Variants in RBFOX1 observed in about 807,000 individuals in gnomAD.
RBFOX1 encodes the protein RNA binding fox-1 homolog 1.
Under a neutral mutation model 57.7 loss-of-function variants are expected in RBFOX1, and 8 were observed. The observed-to-expected ratio is 0.14, with a 90% CI of 0.08 to 0.25. The LOEUF (loss-of-function observed/expected upper bound fraction) is 0.25, where lower values mean the gene tolerates loss of function less well. RBFOX1 is among the 10% of genes least tolerant of loss of function. RBFOX1 has a pLI of 1.00. For missense variants in RBFOX1, 611 were observed against 548.5 expected (o/e 1.11, Z -1.14); for synonymous variants, 326 against 222.4 (o/e 1.47, Z -4.15).
intron 3 of RBFOX1, among the ~76,000 whole-genome samples, chr16:6,961,085 G>A (rs905400408): frequency 2.0e-5 from 3 of 149,896 alleles, no homozygotes; most frequent in Non-Finnish European, 4.4e-5. Context: ...GGGAGTTGCA[G>A]TGAGCCGAGA....
intron 4 of RBFOX1, among the ~76,000 whole-genome samples, chr16:6,009,950 T>C (rs961316692): frequency 6.6e-6 from 1 of 152,134 alleles, no homozygotes; most frequent in Non-Finnish European, 1.5e-5. Context: ...GAGTCTTACA[T>C]ACACTGCAGT....
chr16:6,818,443 A>T (rs577675369), intron 3 of RBFOX1, among the ~76,000 whole-genome samples: 7 of 152,306 alleles, frequency 4.6e-5, no homozygotes, highest in East Asian at 3.9e-4. Flanking sequence ...AGAAAAAAAA[A>T]ATATTATTGA....
At chr16:7,664,778 C>A in intron 12 of RBFOX1, 151 bp from the exon 13 acceptor site, 2 of 1,429,382 alleles carry the variant, frequency 1.4e-6, no homozygotes, top group East Asian at 2.3e-5. Context: ...CTGCCGTTGT[C>A]TCCAACCTCC....
chr16:6,232,935 G>T (rs997022109), intron 1 of RBFOX1, among the ~76,000 whole-genome samples: 1 of 152,110 alleles, frequency 6.6e-6, no homozygotes, highest in Admixed American at 6.6e-5. Flanking sequence ...GCCAGCATAA[G>T]GGAATCAGGG....
At chr16:6,495,902 G>C (rs1390173417) in intron 2 of RBFOX1, among the ~76,000 whole-genome samples, 1 of 152,160 alleles carries the variant, frequency 6.6e-6, no homozygotes, top group Non-Finnish European at 1.5e-5. Flanking sequence ...ATATTGTTTG[G>C]CTGCTTTACA....
chr16:6,627,392 A>G (rs888393073), intron 2 of RBFOX1, among the ~76,000 whole-genome samples: 1 of 152,162 alleles, frequency 6.6e-6, no homozygotes, highest in Non-Finnish European at 1.5e-5. Flanking sequence ...TGAGACAGAG[A>G]AAGAGAGATG....
intron 3 of RBFOX1, among the ~76,000 whole-genome samples, chr16:5,836,041 C>T (rs915646953): frequency 6.6e-6 from 1 of 152,178 alleles, no homozygotes; most frequent in Non-Finnish European, 1.5e-5. Flanking sequence ...TTAGTCCCTG[C>T]CAGAAGTTAG....
intron 4 of RBFOX1, among the ~76,000 whole-genome samples, chr16:5,963,800 G>T (rs1337805835): frequency 6.6e-6 from 1 of 152,148 alleles, no homozygotes; most frequent in Non-Finnish European, 1.5e-5. Flanking sequence ...AAAGCCATAA[G>T]ACTCCTAGAA....
At chr16:6,416,236 T>A (rs1298850416) in intron 2 of RBFOX1, among the ~76,000 whole-genome samples, 1 of 152,212 alleles carries the variant, frequency 6.6e-6, no homozygotes. Context: ...CGGGTGGATT[T>A]ATTTTCTCAG....
At chr16:7,572,848 A>AATAAATAAATAAATAAATAC (rs1352125847) in intron 5 of RBFOX1, among the ~76,000 whole-genome samples, 6 of 151,798 alleles carry the variant, frequency 4.0e-5, no homozygotes, top group Admixed American at 3.3e-4. Context: ...CAAATGAATA[A>AATAAATAAATAAATAAATAC]ATAAATAAAT....
chr16:5,648,303 C>G (rs568728304), intron 3 of RBFOX1, among the ~76,000 whole-genome samples: 4 of 152,326 alleles, frequency 2.6e-5, no homozygotes, highest in South Asian at 2.1e-4. Context: ...GTGTCACAAC[C>G]TCACTTTCTT....
At chr16:7,569,081 G>C (rs1373475340) in intron 5 of RBFOX1, among the ~76,000 whole-genome samples, 1 of 151,864 alleles carries the variant, frequency 6.6e-6, no homozygotes, top group African/African-American at 2.4e-5. Context: ...ATCCGTTATC[G>C]CTTTTTCTTC....
chr16:6,747,211 C>T (rs1373465129), intron 3 of RBFOX1, among the ~76,000 whole-genome samples: 1 of 152,136 alleles, frequency 6.6e-6, no homozygotes, highest in African/African-American at 2.4e-5. Flanking sequence ...AGTTCGAGAC[C>T]AGCCTGACTC....
intron 2 of RBFOX1, among the ~76,000 whole-genome samples, chr16:6,505,271 G>A (rs2096060400): frequency 1.3e-5 from 2 of 152,132 alleles, no homozygotes; most frequent in African/African-American, 4.8e-5. Context: ...TAGCAGAAAT[G>A]TGAAGCTTGT....
At chr16:6,199,865 A>C (rs750182804) in intron 1 of RBFOX1, among the ~76,000 whole-genome samples, 1 of 152,186 alleles carries the variant, frequency 6.6e-6, no homozygotes, top group Non-Finnish European at 1.5e-5. Flanking sequence ...TACCTATCAG[A>C]AGGTTATGAA....
intron 3 of RBFOX1, among the ~76,000 whole-genome samples, chr16:5,827,823 A>G (rs972897923): frequency 6.6e-6 from 1 of 151,760 alleles, no homozygotes; most frequent in Non-Finnish European, 1.5e-5. Context: ...CCACTCACCC[A>G]TCCACCTGGC....
intron 4 of RBFOX1, among the ~76,000 whole-genome samples, chr16:5,950,127 G>A (rs2059490666): frequency 6.6e-6 from 1 of 152,204 alleles, no homozygotes; most frequent in Admixed American, 6.5e-5. Flanking sequence ...GTTTCCACCT[G>A]TAATTGGTAA....
At chr16:6,201,245 G>T (rs1196808000) in intron 1 of RBFOX1, among the ~76,000 whole-genome samples, 1 of 152,066 alleles carries the variant, frequency 6.6e-6, no homozygotes, top group Non-Finnish European at 1.5e-5. Flanking sequence ...CTTGGCTATT[G>T]TGAGCAGTGC....
At chr16:7,613,347 C>G (rs2057887337) in intron 10 of RBFOX1, among the ~76,000 whole-genome samples, 1 of 152,088 alleles carries the variant, frequency 6.6e-6, no homozygotes, top group South Asian at 2.1e-4. Context: ...CAAGCTCACC[C>G]TAGGGTTACA....
Sources: gnomAD v4.1 joint callset for allele counts (sites outside exome capture counted in the v4.1 genomes callset) on GRCh38, gnomAD v4.1.1 for gene constraint, MANE v1.5 for transcripts, NCBI Gene and HGNC (gene_info 2026-07-23, HGNC 2026-07-21) for gene names.